MEMO1: variants seen among roughly 807,000 people sequenced by gnomAD.
MEMO1 encodes protein MEMO1.
In MEMO1, 6 loss-of-function variants were observed where a neutral mutation model predicts 45.2. The ratio of observed to expected loss-of-function variants is 0.13; its 90% CI spans 0.07 to 0.26. The LOEUF (loss-of-function observed/expected upper bound fraction) is 0.26, where lower values mean the gene tolerates loss of function less well. Ranked by LOEUF, MEMO1 falls within the 10% of genes least tolerant of loss-of-function variation. The pLI, the probability that MEMO1 is intolerant of heterozygous loss-of-function variation, is 1.00. For missense variants in MEMO1, 184 were observed against 370.5 expected, an observed-to-expected ratio of 0.50 and a Z score of 4.13; for synonymous variants, 78 against 124.3, an observed-to-expected ratio of 0.63 and a Z score of 2.48.
At chr2:31,981,003 C>T (rs1019032318) in intron 2 of MEMO1, among the ~76,000 whole-genome samples, 4 of 152,222 alleles carry the variant, frequency 2.6e-5, no homozygotes, top group Admixed American at 6.5e-5. Context: ...CCAACTCTTT[C>T]CCATCTCCCT....
chr2:31,926,002 T>G (rs1393334702), intron 4 of MEMO1, among the ~76,000 whole-genome samples: 1 of 152,130 alleles, frequency 6.6e-6, no homozygotes, highest in Non-Finnish European at 1.5e-5. Context: ...GGAACAAAAT[T>G]TTTACTTCAA....
chr2:31,959,338 GT>G (rs1384793034), intron 2 of MEMO1, among the ~76,000 whole-genome samples: 1 of 152,132 alleles, frequency 6.6e-6, no homozygotes, highest in Non-Finnish European at 1.5e-5. Flanking sequence ...TGAGATACAG[GT>G]ACTTGGGCAG....
chr2:31,904,649 C>G (rs55730514), intron 6 of MEMO1, among the ~76,000 whole-genome samples: 1 of 151,944 alleles, frequency 6.6e-6, no homozygotes, highest in Non-Finnish European at 1.5e-5. Context: ...GGGTAATGCT[C>G]GCTGGCCCAC....
intron 6 of MEMO1, among the ~76,000 whole-genome samples, chr2:31,895,662 G>T (rs191144402): frequency 1.3e-5 from 2 of 152,078 alleles, no homozygotes; most frequent in East Asian, 3.9e-4. Context: ...ACTTCAGAAA[G>T]GGAACAGTAA....
In MEMO1 at chr2:31,921,465, A is replaced by T. The variant is rs192002739; in HGVS notation, c.213-555T>A. On this transcript the variant is annotated intron_variant, in intron 4 of 9. Coordinates refer to ENST00000404530, the MANE Select transcript of MEMO1 (RefSeq NM_001301833.4). ...AGAGAATCATATTCAATACTTGGAA[A>T]TACCAGTTATCAATTAATACAGTAA... Among the ~76,000 whole-genome samples the T allele has an allele frequency of 1.1e-3, 163 of 152,298 alleles. 1 individual carries two copies. The highest frequency in any genetic ancestry group is 3.9e-3 in the African/African-American group (161 of 41,572).
At chr2:31,986,650 C>T (rs1325234860) in intron 2 of MEMO1, among the ~76,000 whole-genome samples, 1 of 152,006 alleles carries the variant, frequency 6.6e-6, no homozygotes, top group East Asian at 1.9e-4. Flanking sequence ...GAAGATAGAA[C>T]AGTAAACAAG....
Position 31,916,616 on chromosome 2 carries a change from C to T in MEMO1, c.437+1310G>A, listed in dbSNP as rs561233411. Among the ~76,000 whole-genome samples, 9 of 152,094 alleles carry T rather than the reference C, an allele frequency of 5.9e-5. No homozygotes were observed. In the East Asian group the frequency reaches 9.6e-4, roughly 16 times the overall value. ...AATAACAATATTCAATTGTCTTTTCCGGTTGAAGAAGAGAAAGTTCTGATT... is the reference window on the plus strand; with the variant it reads ...AATAACAATATTCAATTGTCTTTTCTGGTTGAAGAAGAGAAAGTTCTGATT... On this transcript the variant is annotated intron_variant, in intron 6 of 9. Transcript: ENST00000404530.
At chr2:31,938,620 C>T (rs917435610) in intron 3 of MEMO1, among the ~76,000 whole-genome samples, 2 of 151,458 alleles carry the variant, frequency 1.3e-5, no homozygotes, top group Admixed American at 6.6e-5. Flanking sequence ...TGCACTCCAG[C>T]CTGGGTGACA....
Position 31,921,485 on chromosome 2 carries a change from C to T in MEMO1, c.213-575G>A, listed in dbSNP as rs549247652. Among the ~76,000 whole-genome samples, 6 of 152,196 alleles carry T rather than the reference C, an allele frequency of 3.9e-5. No homozygotes were observed. In the East Asian group the frequency reaches 1.2e-3, roughly 29 times the overall value. ...TGGAAATACCAGTTATCAATTAATA[C>T]AGTAAACCAACCCACTATGCATAAA... is the stretch of plus-strand genomic sequence containing the variant. On this transcript the variant is annotated intron_variant, in intron 4 of 9. Coordinates refer to ENST00000404530, the MANE Select transcript of MEMO1 (RefSeq NM_001301833.4).
At chr2:31,937,338 A>T (rs1422403062) in intron 3 of MEMO1, among the ~76,000 whole-genome samples, 1 of 152,212 alleles carries the variant, frequency 6.6e-6, no homozygotes. Context: ...ATAAGAATGA[A>T]CTAACCAGAA....
At chr2:31,990,316 T>C (rs1263464607) in intron 2 of MEMO1, among the ~76,000 whole-genome samples, 1 of 152,232 alleles carries the variant, frequency 6.6e-6, no homozygotes, top group African/African-American at 2.4e-5. Context: ...CATACTCTTC[T>C]TGTTCCGAAA....
intron 3 of MEMO1, among the ~76,000 whole-genome samples, chr2:31,933,185 T>C (rs1664389417): frequency 6.6e-6 from 1 of 151,086 alleles, no homozygotes; most frequent in Non-Finnish European, 1.5e-5. Flanking sequence ...CGAGGCATGG[T>C]GGCACATGCC....
intron 8 of MEMO1, among the ~76,000 whole-genome samples, chr2:31,877,408 C>G (rs1674713833): frequency 6.6e-6 from 1 of 152,172 alleles, no homozygotes; most frequent in African/African-American, 2.4e-5. Context: ...GGGATGCTGA[C>G]ACAAGACAGT....
chr2:31,908,241 C>T (rs1680047536), intron 6 of MEMO1, among the ~76,000 whole-genome samples: 1 of 152,142 alleles, frequency 6.6e-6, no homozygotes, highest in African/African-American at 2.4e-5. Context: ...CCTACCCACA[C>T]AGTGCTTAAA....
At chr2:31,931,368 G>A (rs1664145367) in intron 4 of MEMO1, among the ~76,000 whole-genome samples, 1 of 152,076 alleles carries the variant, frequency 6.6e-6, no homozygotes, top group East Asian at 1.9e-4. Context: ...ACAGAACTAA[G>A]ATGATCGCTT....
chr2:31,895,968 C>A (rs971423515), intron 6 of MEMO1, among the ~76,000 whole-genome samples: 6 of 151,566 alleles, frequency 4.0e-5, no homozygotes, highest in South Asian at 4.2e-4. Context: ...CTCAGCCTCC[C>A]GAGTAGCTGG....
chr2:31,971,513 A>T lies in MEMO1; in HGVS notation c.62-28130T>A, dbSNP rs1249976801. On this transcript the variant is annotated intron_variant, in intron 2 of 9. Coordinates refer to ENST00000404530, the MANE Select transcript of MEMO1 (RefSeq NM_001301833.4). ...CCAAAGTGCTGGGATTATAGGCATG[A>T]GTCCCCGTGCCCAGCCTAAACCCTT... is the stretch of plus-strand genomic sequence containing the variant. 2.6e-4 allele frequency among the ~76,000 whole-genome samples: 39 copies of T among 152,128 alleles called. 1 individual carries two copies. The highest frequency in any genetic ancestry group is 2.6e-3 in the Admixed American group (39 of 15,260).
chr2:31,969,570 TGG>T (rs201460427), intron 2 of MEMO1, among the ~76,000 whole-genome samples: 16,081 of 142,686 alleles, frequency 0.11, 957 homozygotes, highest in Middle Eastern at 0.19. Context: ...AAATCTTTTC[TGG>T]GGGTGTGTGT....
chr2:31,978,758 C>T (rs1020801134), intron 2 of MEMO1, among the ~76,000 whole-genome samples: 1 of 152,240 alleles, frequency 6.6e-6, no homozygotes, highest in Non-Finnish European at 1.5e-5. Flanking sequence ...GCCCCAAACA[C>T]TGGATACCAT....
Sources: gnomAD v4.1 joint callset for allele counts (sites outside exome capture counted in the v4.1 genomes callset) on GRCh38, gnomAD v4.1.1 for gene constraint, MANE v1.5 for transcripts, NCBI Gene and HGNC (gene_info 2026-07-23, HGNC 2026-07-21) for gene names.